The following PHACTR2 variants were observed in gnomAD, a reference collection of about 807,000 sequenced individuals.
PHACTR2 encodes the protein phosphatase and actin regulator 2.
Under a neutral mutation model 76.0 loss-of-function variants are expected in PHACTR2, and 30 were observed. The ratio of observed to expected loss-of-function variants is 0.39; its 90% CI spans 0.30 to 0.54. PHACTR2 has a LOEUF of 0.54. Ranked by LOEUF, PHACTR2 falls within the 20% of genes least tolerant of loss-of-function variation. The pLI is 0.61. For synonymous variants in PHACTR2, 292 were observed against 292.5 expected (o/e 1.00, Z 0.02); for missense variants, 696 against 781.1 (o/e 0.89, Z 1.30).
intron 1 of PHACTR2, among the ~76,000 whole-genome samples, chr6:143,576,269 G>A (rs1332271426): frequency 3.9e-5 from 6 of 152,084 alleles, no homozygotes; most frequent in African/African-American, 7.2e-5. Flanking sequence ...ATAACACTCC[G>A]CTCTCATGAC....
At position 143,538,457 on chromosome 6, in the gene PHACTR2, A is replaced by C. The variant is rs115661818; in HGVS notation, c.217+1250A>C. 6.4e-3 allele frequency among the ~76,000 whole-genome samples: 969 copies of C among 152,360 alleles called. 12 individuals carry two copies. Among genetic ancestry groups the C allele is most frequent in the African/African-American group, 0.022 (925 of 41,590 alleles). On this transcript the variant is annotated intron_variant, in intron 1 of 11. Coordinates refer to the PHACTR2 transcript ENST00000367584. Reference sequence around the variant, plus strand: ...AGTTTCCACCAGTTGTCTGATGTGCAATCTTTGTAGGATGCATGGGAGCTG... The same window carrying C: ...AGTTTCCACCAGTTGTCTGATGTGCCATCTTTGTAGGATGCATGGGAGCTG...
rs2128480843 is a variant in PHACTR2, at chr6:143,794,369, A to G, written c.1845+5459A>G. 6.6e-6 allele frequency among the ~76,000 whole-genome samples: 1 copy of G among 151,554 alleles called. No homozygotes were observed. The highest frequency in any genetic ancestry group is 2.4e-5 in the African/African-American group (1 of 41,438). On this transcript the variant is annotated intron_variant, in intron 11 of 12. Coordinates refer to ENST00000440869, the MANE Select transcript of PHACTR2 (RefSeq NM_001100164.2). This position sits in a 1 kb window ranked among gnomAD's most constrained non-coding sequence, Gnocchi z 4.1. ...ATTTAGATCAGATTTAAAATATTGT[A>G]TTAAGTTAATTCATGTAAAAATTAT...
At chr6:143,805,375 A>G (rs1776041577) in intron 11 of PHACTR2, among the ~76,000 whole-genome samples, 1 of 149,424 alleles carries the variant, frequency 6.7e-6, no homozygotes, top group Non-Finnish European at 1.5e-5. Context: ...GCTGCTCGGG[A>G]GGCTGAGGCA....
At chr6:143,544,253 G>GGAAGGAAGGGAGGCAGGGAGGGGAAA (rs111872744) in intron 1 of PHACTR2, among the ~76,000 whole-genome samples, 10,852 of 144,070 alleles carry the variant, frequency 0.075, 430 homozygotes, top group East Asian at 0.15. Context: ...GGAGGGAGTG[G>GGAAGGAAGGGAGGCAGGGAGGGGAAA]GAAGGAAGGA....
chr6:143,693,457 C>T (rs563135123), intron 1 of PHACTR2, among the ~76,000 whole-genome samples: 23 of 152,250 alleles, frequency 1.5e-4, no homozygotes, highest in African/African-American at 5.1e-4. Flanking sequence ...AGGCTGGTCT[C>T]GAAATCCTGA....
rs1352492691 is a variant in PHACTR2, at chr6:143,733,939, G to T, written c.215-15046G>T. The stretch of plus-strand genomic sequence containing the variant: ...ATTATTTTCCTAAAGGTATATAATT[G>T]TGTTAAAACAGATTTCCTCTATGTG... On this transcript the variant is annotated intron_variant, in intron 2 of 12. Coordinates refer to ENST00000440869, the MANE Select transcript of PHACTR2 (RefSeq NM_001100164.2). The surrounding 1 kb of genome is among the most constrained non-coding windows in gnomAD (Gnocchi z 4.0). 6.6e-6 allele frequency among the ~76,000 whole-genome samples: 1 copy of T among 152,122 alleles called. No homozygotes were observed. The highest frequency in any genetic ancestry group is 6.5e-5 in the Admixed American group (1 of 15,270).
Position 143,639,748 on chromosome 6 carries a change from G to A in PHACTR2, c.13+31426G>A, listed in dbSNP as rs1776531770. Among the ~76,000 whole-genome samples, 1 of 152,134 alleles carries A rather than the reference G, an allele frequency of 6.6e-6. No individual in the cohort carries two copies. Among genetic ancestry groups the A allele is most frequent in the Non-Finnish European group, 1.5e-5 (1 of 68,028 alleles). The stretch of plus-strand genomic sequence containing the variant: ...AACAAGTAGATATTCATTCCTCTTA[G>A]GCAAATATGAAACATACACAAATAT... On this transcript the variant is annotated intron_variant, in intron 1 of 11. Transcript: ENST00000305766. The surrounding 1 kb of genome is among the most constrained non-coding windows in gnomAD (Gnocchi z 5.0).
At chr6:143,676,777 A>G (rs1281822720), upstream of PHACTR2, among the ~76,000 whole-genome samples, 1 of 152,190 alleles carries the variant, frequency 6.6e-6, no homozygotes, top group East Asian at 1.9e-4. This position sits in a 1 kb window ranked among gnomAD's most constrained non-coding sequence, Gnocchi z 4.8. Flanking sequence ...TTAAGAGTGA[A>G]TTAGGCAAAG....
chr6:143,786,441 C>T (rs2128478964), intron 10 of PHACTR2, among the ~76,000 whole-genome samples: 1 of 152,328 alleles, frequency 6.6e-6, no homozygotes, highest in Middle Eastern at 3.4e-3. Flanking sequence ...CCCACCTTTT[C>T]CTATCTTCTT....
At chr6:143,718,721 T>C (rs1778359868) in intron 2 of PHACTR2, among the ~76,000 whole-genome samples, 1 of 152,222 alleles carries the variant, frequency 6.6e-6, no homozygotes, top group Non-Finnish European at 1.5e-5. Context: ...CTAATGTTGC[T>C]ATTTAGGATT....
At chr6:143,681,707 T>C (rs1011533171) in intron 1 of PHACTR2, among the ~76,000 whole-genome samples, 2 of 152,266 alleles carry the variant, frequency 1.3e-5, no homozygotes, top group African/African-American at 4.8e-5. Context: ...CCAAGCGTTT[T>C]ATAATTTTGG....
upstream of PHACTR2, among the ~76,000 whole-genome samples, chr6:143,605,358 A>G (rs914609508): frequency 8.5e-5 from 13 of 152,192 alleles, no homozygotes; most frequent in African/African-American, 3.1e-4. The surrounding 1 kb of genome is among the most constrained non-coding windows in gnomAD (Gnocchi z 5.0). Context: ...CCATGCCCAC[A>G]GCATCTCTGG....
chr6:143,604,237 G>A (rs12216096), upstream of PHACTR2, among the ~76,000 whole-genome samples: 46,903 of 152,010 alleles, frequency 0.31, 8,001 homozygotes, highest in Non-Finnish European at 0.39. Context: ...GGTTGAAATA[G>A]TCAGATAGGC....
chr6:143,568,523 G>T (rs559201782), intron 1 of PHACTR2, among the ~76,000 whole-genome samples: 3 of 152,306 alleles, frequency 2.0e-5, no homozygotes, highest in African/African-American at 7.2e-5. Flanking sequence ...CCAGCTGCTG[G>T]CTCAGGGTAG....
rs966987609 is a variant in PHACTR2, at chr6:143,777,141, G to T, written c.1590-187G>T. Among the ~76,000 whole-genome samples the T allele has an allele frequency of 6.6e-6, 1 of 152,158 alleles. No homozygotes were observed. The highest frequency in any genetic ancestry group is 1.5e-5 in the Non-Finnish European group (1 of 68,028). On this transcript the variant is annotated intron_variant, in intron 8 of 12. Coordinates refer to ENST00000440869, the MANE Select transcript of PHACTR2 (RefSeq NM_001100164.2). The surrounding 1 kb of genome is among the most constrained non-coding windows in gnomAD (Gnocchi z 4.6). ...AAGGAAAGGAGACTGTGTAATGGGG[G>T]TCGGTGAGCAGCCTCAGCCATGATC...
Position 143,821,420 on chromosome 6 carries a change from C to T in PHACTR2, c.1923-2254C>T, listed in dbSNP as rs1776414495. Reference sequence around the variant, plus strand: ...TTCATTTTGTAATGCTTGTATTCAACACAGTGACGTTTAGTAAGTACTATC... The same window carrying T: ...TTCATTTTGTAATGCTTGTATTCAATACAGTGACGTTTAGTAAGTACTATC... On this transcript the variant is annotated intron_variant, in intron 12 of 12. Transcript: ENST00000440869. This position sits in a 1 kb window ranked among gnomAD's most constrained non-coding sequence, Gnocchi z 5.2. Among the ~76,000 whole-genome samples the T allele has an allele frequency of 1.3e-5, 2 of 152,192 alleles. No individual in the cohort carries two copies. Among genetic ancestry groups the T allele is most frequent in the Non-Finnish European group, 2.9e-5 (2 of 68,038 alleles).
rs11321214 is a variant in PHACTR2 at position 143,764,520 on chromosome 6, C to CAAA, written c.695-726_695-724dup. On this transcript the variant is annotated intron_variant, in intron 5 of 12. Coordinates refer to ENST00000440869, the MANE Select transcript of PHACTR2 (RefSeq NM_001100164.2). This position sits in a 1 kb window ranked among gnomAD's most constrained non-coding sequence, Gnocchi z 4.7. ...TGGGCGACAGAACAAGACCTTGTCTCAAAAAAAAAAAAAAAAAGGAGCAAC... is the reference window on the plus strand; with the variant it reads ...TGGGCGACAGAACAAGACCTTGTCTCAAAAAAAAAAAAAAAAAAAAGGAGCAAC... Among the ~76,000 whole-genome samples the CAAA allele has an allele frequency of 9.0e-6, 1 of 110,752 alleles. No homozygotes were observed. The highest frequency in any genetic ancestry group is 9.1e-5 in the Admixed American group (1 of 11,034). The allele number at this position is 110,752 out of a possible 152,430, so 72.7% of individuals were successfully genotyped here.
Position 143,574,392 on chromosome 6 carries a change from C to A in PHACTR2, c.217+37185C>A, listed in dbSNP as rs148688323. Among the ~76,000 whole-genome samples, 54 of 152,340 alleles carry A rather than the reference C, an allele frequency of 3.5e-4. No individual in the cohort carries two copies. In the Middle Eastern group the frequency reaches 0.01, roughly 29 times the overall value. On this transcript the variant is annotated intron_variant, in intron 1 of 11. Transcript: ENST00000367584. ...TCAAGGCTAAGGGATTGTACAAAGG[C>A]ATGGCCATTGGAGGTCTGTCCTCCA...
rs1775449932 is a variant in PHACTR2, at chr6:143,571,882, T to A, written c.217+34675T>A. On this transcript the variant is annotated intron_variant, in intron 1 of 11. Coordinates refer to the PHACTR2 transcript ENST00000367584. The surrounding 1 kb of genome is among the most constrained non-coding windows in gnomAD (Gnocchi z 4.6). Reference sequence around the variant, plus strand: ...GATTTATAACGTTCTGTTCATGTTCTTGGAAAATTAATATTTACCATATGG... The same window carrying A: ...GATTTATAACGTTCTGTTCATGTTCATGGAAAATTAATATTTACCATATGG... 6.6e-6 allele frequency among the ~76,000 whole-genome samples: 1 copy of A among 152,214 alleles called. No homozygotes were observed. Among genetic ancestry groups the A allele is most frequent in the South Asian group, 2.1e-4 (1 of 4,836 alleles).
Sources: gnomAD v4.1 joint callset for allele counts (sites outside exome capture counted in the v4.1 genomes callset) on GRCh38, gnomAD v4.1.1 for gene constraint, Gnocchi (gnomAD v3.1) non-coding constraint, MANE v1.5 for transcripts, NCBI Gene and HGNC (gene_info 2026-07-23, HGNC 2026-07-21) for gene names.